B3GALT1: variants seen among roughly 807,000 people sequenced by gnomAD.
B3GALT1 encodes UDP-Gal:betaGlcNAc beta 1,3-galactosyltransferase, polypeptide 1.
In B3GALT1, 10 loss-of-function variants were observed where a neutral mutation model predicts 23.2. The ratio of observed to expected loss-of-function variants is 0.43; its 90% CI spans 0.27 to 0.73. B3GALT1 has a LOEUF of 0.73. Ranked by LOEUF, B3GALT1 falls within the 30% of genes least tolerant of loss-of-function variation. The pLI is 0.21. For missense variants in B3GALT1, 299 were observed against 405.4 expected, an observed-to-expected ratio of 0.74 and a Z score of 2.25; for synonymous variants, 156 against 141.5, an observed-to-expected ratio of 1.10 and a Z score of -0.73.
intron 2 of B3GALT1, among the ~76,000 whole-genome samples, chr2:167,608,360 G>A (rs1431904): frequency 0.048 from 7,273 of 152,140 alleles, 408 homozygotes; most frequent in African/African-American, 0.13. Context: ...TTGGCGTATA[G>A]CATAACTTAG....
At position 167,616,780 on chromosome 2, in the gene B3GALT1, T is replaced by C. The variant is rs193193212; in HGVS notation, c.-409-30129T>C. On this transcript the variant is annotated intron_variant, in intron 2 of 4. Coordinates refer to ENST00000392690, the MANE Select transcript of B3GALT1 (RefSeq NM_020981.4). Reference sequence around the variant, plus strand: ...GTTGACAGGAATCTTTATTTCTCCCTGTAAACTTTCTTGTATTTTCTGGGT... The same window carrying C: ...GTTGACAGGAATCTTTATTTCTCCCCGTAAACTTTCTTGTATTTTCTGGGT... Among the ~76,000 whole-genome samples the C allele has an allele frequency of 2.8e-3, 427 of 152,258 alleles. 1 individual carries two copies. The highest frequency in any genetic ancestry group is 0.01 in the African/African-American group (417 of 41,588).
chr2:167,708,479 G>GGA (rs2105516049), intron 3 of B3GALT1, among the ~76,000 whole-genome samples: 1 of 152,238 alleles, frequency 6.6e-6, no homozygotes, highest in East Asian at 1.9e-4. Flanking sequence ...TGACCAACAT[G>GGA]GAGAAACCCC....
intron 1 of B3GALT1, among the ~76,000 whole-genome samples, chr2:167,341,226 T>A (rs1007119676): frequency 8.5e-5 from 13 of 152,234 alleles, no homozygotes; most frequent in African/African-American, 2.9e-4. Context: ...AAGCACATGA[T>A]CTTTTTGGTT....
At chr2:167,595,330 C>T (rs1684757769) in intron 2 of B3GALT1, among the ~76,000 whole-genome samples, 2 of 152,144 alleles carry the variant, frequency 1.3e-5, no homozygotes, top group African/African-American at 4.8e-5. Context: ...CTCTGCATCG[C>T]CCACCCATAT....
At chr2:167,442,011 C>T (rs1293783251) in intron 1 of B3GALT1, among the ~76,000 whole-genome samples, 1 of 151,842 alleles carries the variant, frequency 6.6e-6, no homozygotes, top group African/African-American at 2.4e-5. Context: ...GTATATCTCC[C>T]AATGCTATCC....
At chr2:167,631,307 A>G (rs1685438267) in intron 2 of B3GALT1, among the ~76,000 whole-genome samples, 1 of 151,846 alleles carries the variant, frequency 6.6e-6, no homozygotes, top group African/African-American at 2.4e-5. Context: ...TCAGGACAAA[A>G]CACCTGGAGA....
chr2:167,571,784 G>A (rs1320169928), intron 2 of B3GALT1, among the ~76,000 whole-genome samples: 1 of 151,844 alleles, frequency 6.6e-6, no homozygotes, highest in African/African-American at 2.4e-5. Context: ...ATACATGCCG[G>A]CATGAGTTAG....
chr2:167,721,809 G>A (rs1167859688), intron 3 of B3GALT1, among the ~76,000 whole-genome samples: 1 of 152,218 alleles, frequency 6.6e-6, no homozygotes, highest in Admixed American at 6.5e-5. Flanking sequence ...TGAATCTGGG[G>A]AGGGCTGGTC....
chr2:167,464,831 G>A, intron 1 of B3GALT1, among the ~76,000 whole-genome samples: 1 of 152,104 alleles, frequency 6.6e-6, no homozygotes, highest in East Asian at 1.9e-4. Context: ...TTTTATTTAT[G>A]TATTATCCAC....
At chr2:167,340,313 GAAAAAAA>G (rs773710953) in intron 1 of B3GALT1, among the ~76,000 whole-genome samples, 4 of 87,394 alleles carry the variant, frequency 4.6e-5, no homozygotes, top group African/African-American at 1.3e-4. Flanking sequence ...GGTACAGGGA[GAAAAAAA>G]AAAAAAAAAA....
intron 2 of B3GALT1, among the ~76,000 whole-genome samples, chr2:167,562,045 C>G (rs1684007651): frequency 2.0e-5 from 3 of 152,134 alleles, no homozygotes. Flanking sequence ...AACACTGATG[C>G]AAAAATCCTC....
intron 3 of B3GALT1, among the ~76,000 whole-genome samples, chr2:167,697,911 A>G (rs1225327334): frequency 6.6e-6 from 1 of 152,208 alleles, no homozygotes; most frequent in African/African-American, 2.4e-5. Flanking sequence ...CCATCAAAAC[A>G]TTTGCCTCAG....
At chr2:167,650,848 C>T (rs1376791438) in intron 3 of B3GALT1, among the ~76,000 whole-genome samples, 1 of 152,106 alleles carries the variant, frequency 6.6e-6, no homozygotes, top group African/African-American at 2.4e-5. Flanking sequence ...AAGAAATACT[C>T]CCTCTTTGAA....
At chr2:167,825,850 G>C (rs1451338280) in intron 4 of B3GALT1, among the ~76,000 whole-genome samples, 1 of 152,102 alleles carries the variant, frequency 6.6e-6, no homozygotes, top group Non-Finnish European at 1.5e-5. Context: ...TATCCAGCTT[G>C]TAATTCAATA....
intron 2 of B3GALT1, among the ~76,000 whole-genome samples, chr2:167,634,561 G>A: frequency 6.6e-6 from 1 of 151,834 alleles, no homozygotes; most frequent in Non-Finnish European, 1.5e-5. Flanking sequence ...ATCAGAGAAT[G>A]CTATAAACAC....
At chr2:167,695,183 T>A (rs1686773694) in intron 3 of B3GALT1, among the ~76,000 whole-genome samples, 1 of 152,182 alleles carries the variant, frequency 6.6e-6, no homozygotes, top group Admixed American at 6.6e-5. Flanking sequence ...CATTCCATTT[T>A]CTCTCTTATT....
chr2:167,401,070 T>A (rs1295347177), intron 1 of B3GALT1, among the ~76,000 whole-genome samples: 1 of 152,086 alleles, frequency 6.6e-6, no homozygotes, highest in African/African-American at 2.4e-5. Context: ...ATCATTATTT[T>A]TATCTTCTAC....
intron 1 of B3GALT1, among the ~76,000 whole-genome samples, chr2:167,400,618 T>C (rs1698173220): frequency 6.6e-6 from 1 of 152,102 alleles, no homozygotes; most frequent in Non-Finnish European, 1.5e-5. Context: ...TGCAGACTCA[T>C]TCACTGAAGA....
intron 4 of B3GALT1, among the ~76,000 whole-genome samples, chr2:167,848,029 G>A (rs1689797641): frequency 1.3e-5 from 2 of 151,976 alleles, no homozygotes; most frequent in South Asian, 4.1e-4. Flanking sequence ...AACCCTCCTA[G>A]CTTAAATCAG....
Sources: allele counts gnomAD v4.1 joint callset (sites outside exome capture counted in the v4.1 genomes callset), GRCh38; gene constraint gnomAD v4.1.1; transcripts MANE v1.5; gene names NCBI Gene and HGNC (gene_info 2026-07-23, HGNC 2026-07-21).